The following LDHC variants were observed in gnomAD, a reference collection of about 807,000 sequenced individuals.
The protein encoded by LDHC is L-lactate dehydrogenase C chain.
In LDHC, 20 loss-of-function variants were observed where a neutral mutation model predicts 30.2. The ratio of observed to expected loss-of-function variants is 0.66; its 90% CI spans 0.47 to 0.96. The LOEUF (loss-of-function observed/expected upper bound fraction) is 0.96, where lower values mean the gene tolerates loss of function less well. LDHC is among the 40% of genes least tolerant of loss of function. The pLI is 0.00. For missense variants in LDHC, 362 were observed against 394.9 expected (o/e 0.92, Z 0.71); for synonymous variants, 139 against 132.7 (o/e 1.05, Z -0.32).
chr11:18,450,901 C>A, intron 7 of LDHC, 62 bp from the exon 8 acceptor site: 1 of 1,234,396 alleles, frequency 8.1e-7, no homozygotes, highest in Non-Finnish European at 1.1e-6. Context: ...ATTTTGATGC[C>A]CTTTTGCATA....
At chr11:18,413,054 C>G (rs944935362) in intron 2 of LDHC, among the ~76,000 whole-genome samples, 1 of 122,520 alleles carries the variant, frequency 8.2e-6, no homozygotes, top group African/African-American at 3.0e-5. Flanking sequence ...CTTCTTCTTT[C>G]TTTTCCTTTC....
At chr11:18,427,185 G>A (rs1360435876) in intron 3 of LDHC, among the ~76,000 whole-genome samples, 1 of 151,932 alleles carries the variant, frequency 6.6e-6, no homozygotes. Flanking sequence ...GTGAAACCCC[G>A]TCTCTACTAA....
intron 3 of LDHC, among the ~76,000 whole-genome samples, chr11:18,429,173 C>T (rs892377422): frequency 8.0e-6 from 1 of 124,386 alleles, no homozygotes; most frequent in African/African-American, 3.1e-5. Context: ...AGTGCAGTGG[C>T]GCGATCTTTG....
chr11:18,429,821 T>C lies in LDHC; in HGVS notation c.329T>C (p.Val110Ala). 6.2e-7 allele frequency: 1 copy of C among 1,611,946 alleles called. No homozygotes were observed. Among genetic ancestry groups the C allele is most frequent in the East Asian group, 2.2e-5 (1 of 44,872 alleles). Residue 110 changes from valine (V) to alanine (A), a missense_variant, in exon 4 of 8, where the codon GTC becomes GCC. Physicochemically the swap from Val to Ala is moderately conservative, Grantham distance 64 (BLOSUM62 0). Transcript: ENST00000541669. Reference sequence around the variant, plus strand: ...GAGGGAGAAACTCGCCTTGCCCTGGTCCAACGTAATGTGGCTATAATGAAA... The same window carrying C: ...GAGGGAGAAACTCGCCTTGCCCTGGCCCAACGTAATGTGGCTATAATGAAA... Reference protein sequence around the residue: ...QQEGETRLALVQRNVAIMKSI... With the variant: ...QQEGETRLALAQRNVAIMKSI...
chr11:18,449,483 G>A (rs1020938955), intron 7 of LDHC, among the ~76,000 whole-genome samples: 13 of 133,922 alleles, frequency 9.7e-5, no homozygotes, highest in Admixed American at 4.7e-4. Context: ...AGTGAATTGC[G>A]AATTTCAGTA....
intron 6 of LDHC, 56 bp from the exon 7 acceptor site, chr11:18,446,154 G>A: frequency 6.9e-7 from 1 of 1,439,750 alleles, no homozygotes; most frequent in Non-Finnish European, 9.7e-7. Flanking sequence ...AGAATATTAT[G>A]TTTTCTCTGG....
intron 6 of LDHC, among the ~76,000 whole-genome samples, chr11:18,444,226 G>A (rs113207965): frequency 0.013 from 2,024 of 152,084 alleles, 50 homozygotes; most frequent in African/African-American, 0.046. Context: ...CATCAGGATG[G>A]TTAATAACAA....
chr11:18,434,679 A>C (rs1223197542), intron 4 of LDHC, 61 bp from the exon 5 acceptor site: 2 of 829,996 alleles, frequency 2.4e-6, no homozygotes, highest in African/African-American at 3.4e-5. Context: ...TGTATTCAGG[A>C]AAAAAAAAAT....
Position 18,434,718 on chromosome 11 carries a change from AAC to A in LDHC, c.419-18_419-17del. Reference sequence around the variant, plus strand: ...TTTAAGTTATGATGAATCTTTTTCTAACACAAAATTTTTCTTCTTAGTGGATA... The same window carrying A: ...TTTAAGTTATGATGAATCTTTTTCTAACAAAATTTTTCTTCTTAGTGGATA... On this transcript the variant is annotated intron_variant, in intron 4 of 7. Coordinates refer to ENST00000541669, the MANE Select transcript of LDHC (RefSeq NM_017448.5). The A allele has an allele frequency of 2.0e-6, 3 of 1,496,498 alleles. No individual in the cohort carries two copies. The highest frequency in any genetic ancestry group is 1.2e-5 in the South Asian group (1 of 83,306). 92.7% of individuals were successfully genotyped at this position (1,496,498 alleles called of 1,614,324 possible).
chr11:18,436,486 T>TG (rs1387791856), intron 5 of LDHC, among the ~76,000 whole-genome samples: 2 of 145,544 alleles, frequency 1.4e-5, no homozygotes, highest in Admixed American at 6.9e-5. Context: ...ACAAAGTTTT[T>TG]TTTTTTTTTT....
At chr11:18,449,038 G>A (rs1848604449) in intron 7 of LDHC, among the ~76,000 whole-genome samples, 1 of 152,026 alleles carries the variant, frequency 6.6e-6, no homozygotes, top group African/African-American at 2.4e-5. Flanking sequence ...AGTCTGAGGT[G>A]CCTCTTCTAG....
intron 4 of LDHC, 61 bp from the exon 5 acceptor site, chr11:18,434,678 GA>G (rs142658881): frequency 0.028 from 27,149 of 980,516 alleles, 498 homozygotes; most frequent in Non-Finnish European, 0.034. Flanking sequence ...ATGTATTCAG[GA>G]AAAAAAAAAT....
rs532579558 is a variant in LDHC, at chr11:18,425,833, A to G, written c.245-3904A>G. 3.4e-4 allele frequency among the ~76,000 whole-genome samples: 51 copies of G among 151,836 alleles called. 1 individual carries two copies. Among genetic ancestry groups the G allele is most frequent in the African/African-American group, 1.1e-3 (45 of 41,444 alleles). ...CAGGCGCCTGTAGTCCCAGCTACTCAGGAGGGCTGAGGCAGGAGAATGGCA... is the reference window on the plus strand; with the variant it reads ...CAGGCGCCTGTAGTCCCAGCTACTCGGGAGGGCTGAGGCAGGAGAATGGCA... On this transcript the variant is annotated intron_variant, in intron 3 of 7. Coordinates refer to ENST00000541669, the MANE Select transcript of LDHC (RefSeq NM_017448.5).
intron 6 of LDHC, among the ~76,000 whole-genome samples, chr11:18,441,373 A>G (rs1482658282): frequency 6.6e-6 from 1 of 151,330 alleles, no homozygotes. Flanking sequence ...GCTGGAGTGC[A>G]GTGGTGTGGT....
chr11:18,434,809 G>T lies in LDHC; in HGVS notation c.488G>T (p.Cys163Phe). 6.2e-7 allele frequency: 1 copy of T among 1,610,790 alleles called. No individual in the cohort carries two copies. The highest frequency in any genetic ancestry group is 8.5e-7 in the Non-Finnish European group (1 of 1,176,986). The change falls in exon 5 of 8, where the codon TGT becomes TTT. Residue 163 changes from cysteine (C) to phenylalanine (F), a missense_variant. By Grantham distance (205) the Cys-to-Phe change is radical. Transcript: ENST00000541669. ...GTAACTCGTGTAATTGGAAGTGGTT[G>T]TAATCTAGACTCTGCCCGTTTCCGT... is the stretch of plus-strand genomic sequence containing the variant. ...LPVTRVIGSG[C>F]NLDSARFRYL...
intron 3 of LDHC, among the ~76,000 whole-genome samples, chr11:18,429,353 C>T (rs576784645): frequency 2.6e-4 from 39 of 152,112 alleles, no homozygotes; most frequent in South Asian, 6.2e-4. Context: ...CCTCGTGATC[C>T]GCCTGCCTTG....
chr11:18,421,312 C>T (rs568594013), intron 3 of LDHC, among the ~76,000 whole-genome samples: 377 of 151,960 alleles, frequency 2.5e-3, no homozygotes, highest in African/African-American at 8.8e-3. Context: ...GCTTCGGCTT[C>T]CCAAAGTGCT....
At chr11:18,433,554 G>T (rs762892221) in intron 4 of LDHC, among the ~76,000 whole-genome samples, 2 of 152,118 alleles carry the variant, frequency 1.3e-5, no homozygotes, top group Non-Finnish European at 2.9e-5. Flanking sequence ...CTTCATATAT[G>T]ATTCTTAGTT....
At chr11:18,413,852 C>T (rs541448947) in intron 2 of LDHC, among the ~76,000 whole-genome samples, 9 of 152,198 alleles carry the variant, frequency 5.9e-5, no homozygotes, top group Admixed American at 1.3e-4. Flanking sequence ...TATATAGTTC[C>T]GTACTCTGTC....
Sources: gnomAD v4.1 joint callset for allele counts (sites outside exome capture counted in the v4.1 genomes callset) on GRCh38, gnomAD v4.1.1 for gene constraint, MANE v1.5 for transcripts, NCBI Gene and HGNC (gene_info 2026-07-23, HGNC 2026-07-21) for gene names.